Variants in MEGF8 observed in about 807,000 individuals in gnomAD.
The protein encoded by MEGF8 is multiple epidermal growth factor-like domains protein 8.
Under a neutral mutation model 302.9 loss-of-function variants are expected in MEGF8, and 156 were observed. The observed-to-expected ratio is 0.52, with a 90% CI of 0.45 to 0.59. The LOEUF (loss-of-function observed/expected upper bound fraction) is 0.59, where lower values mean the gene tolerates loss of function less well. MEGF8 is among the 20% of genes least tolerant of loss of function. MEGF8 has a pLI of 0.00. For missense variants in MEGF8, 3,345 were observed against 3,964.5 expected (o/e 0.84, Z 4.20); for synonymous variants, 1,621 against 1,660.5 (o/e 0.98, Z 0.58).
At position 42,348,437 on chromosome 19, in the gene MEGF8, G is replaced by T. The variant is rs2039321181; in HGVS notation, c.2263G>T (p.Ala755Ser). 1.3e-6 allele frequency: 2 copies of T among 1,529,792 alleles called. No individual in the cohort carries two copies. Among genetic ancestry groups the T allele is most frequent in the Non-Finnish European group, 1.8e-6 (2 of 1,141,190 alleles). The allele number at this position is 1,529,792 out of a possible 1,614,324, so 94.8% of individuals were successfully genotyped here. A position where few individuals can be genotyped will look rare whatever the true frequency, so the allele number is the denominator to read the frequency against. ...WTRAQRLHVL[A>S]RMARGPDTEN... ...GCGGGCCCAGCGCCTACACGTCCTGGCCCGGATGGCCCGTGGCCCTGACAC... is the reference window on the plus strand; with the variant it reads ...GCGGGCCCAGCGCCTACACGTCCTGTCCCGGATGGCCCGTGGCCCTGACAC... Residue 755 changes from alanine to serine, a missense_variant, in exon 13 of 42, where the codon GCC (alanine) becomes TCC (serine). Coordinates refer to ENST00000251268, the MANE Select transcript of MEGF8 (RefSeq NM_001271938.2).
chr19:42,357,938 G>T lies in MEGF8; in HGVS notation c.5012-206G>T, dbSNP rs1193021538. On this transcript the variant is annotated intron_variant, in intron 28 of 41. Coordinates refer to ENST00000251268, the MANE Select transcript of MEGF8 (RefSeq NM_001271938.2). This position sits in a 1 kb window ranked among gnomAD's most constrained non-coding sequence, Gnocchi z 5.2. ...TCCCGAGAGCCTGGCAGAACTTACTGCCAGTTGAGGACTCCCTTCTCTTTC... is the reference window on the plus strand; with the variant it reads ...TCCCGAGAGCCTGGCAGAACTTACTTCCAGTTGAGGACTCCCTTCTCTTTC... Among the ~76,000 whole-genome samples, 1 of 152,146 alleles carries T rather than the reference G, an allele frequency of 6.6e-6. No homozygotes were observed. Among genetic ancestry groups the T allele is most frequent in the African/African-American group, 2.4e-5 (1 of 41,432 alleles).
rs201814836 is a variant in MEGF8 at position 42,350,351 on chromosome 19, C to T, written c.2703C>T (p.Cys901=). The change falls in exon 15 of 42, where the codon TGC becomes TGT. Residue 901 remains cysteine, a synonymous_variant. Coordinates refer to ENST00000251268, the MANE Select transcript of MEGF8 (RefSeq NM_001271938.2). ...LVLVPTLCPL[C]EEHRDCHACT... ...TGGTGCCTACCCTCTGCCCACTCTG[C>T]GAGGAGCATCGGGACTGCCACGCCT... 1.8e-5 allele frequency: 28 copies of T among 1,594,890 alleles called. No homozygotes were observed. In the African/African-American group the frequency reaches 2.3e-4, roughly 13 times the overall value.
rs577151474 is a variant in MEGF8, at chr19:42,378,037, TG to T, written c.*1266del. ...GTGGCTGAGGGGATCGTTAATTGAATGGGGCAGACTGAGGCTTGTGAGGAAG... is the reference window on the plus strand; with the variant it reads ...GTGGCTGAGGGGATCGTTAATTGAATGGGCAGACTGAGGCTTGTGAGGAAG... On this transcript the variant is annotated 3_prime_UTR_variant, in exon 42 of 42. Transcript: ENST00000251268. The T allele has an allele frequency of 2.6e-5, 4 of 152,312 alleles. No homozygotes were observed. The South Asian group carries it at 6.2e-4, about 24-fold the overall frequency. 9.4% of individuals were successfully genotyped at this position (152,312 alleles called of 1,614,324 possible).
rs761713618 is a variant in MEGF8, at chr19:42,356,302, A to G, written c.4504-33A>G. Reference sequence around the variant, plus strand: ...AGGCCTGGCACTTTGTCCTGACCCTAGCCTGATCCCCAATGTCCGCACCCA... The same window carrying G: ...AGGCCTGGCACTTTGTCCTGACCCTGGCCTGATCCCCAATGTCCGCACCCA... On this transcript the variant is annotated intron_variant, in intron 25 of 41. Coordinates refer to ENST00000251268, the MANE Select transcript of MEGF8 (RefSeq NM_001271938.2). This position sits in a 1 kb window ranked among gnomAD's most constrained non-coding sequence, Gnocchi z 5.2. 5.6e-6 allele frequency: 9 copies of G among 1,595,238 alleles called. No homozygotes were observed. The highest frequency in any genetic ancestry group is 1.7e-5 in the Admixed American group (1 of 57,340).
rs776180750 is a variant in MEGF8, at chr19:42,356,299, C to G, written c.4504-36C>G. On this transcript the variant is annotated intron_variant, in intron 25 of 41. Transcript: ENST00000251268. The surrounding 1 kb of genome is among the most constrained non-coding windows in gnomAD (Gnocchi z 5.2). The stretch of plus-strand genomic sequence containing the variant: ...CCCAGGCCTGGCACTTTGTCCTGAC[C>G]CTAGCCTGATCCCCAATGTCCGCAC... 1.9e-6 allele frequency: 3 copies of G among 1,591,800 alleles called. No individual in the cohort carries two copies. Among genetic ancestry groups the G allele is most frequent in the South Asian group, 1.1e-5 (1 of 87,474 alleles).
At position 42,344,917 on chromosome 19, in the gene MEGF8, C is replaced by G; in HGVS notation, c.2097+84C>G. 1 of 1,339,832 alleles carries G rather than the reference C, an allele frequency of 7.5e-7. No homozygotes were observed. Among genetic ancestry groups the G allele is most frequent in the Non-Finnish European group, 1.0e-6 (1 of 1,002,434 alleles). 83.0% of individuals were successfully genotyped at this position (1,339,832 alleles called of 1,614,324 possible). A position where few individuals can be genotyped will look rare whatever the true frequency, so the allele number is the denominator to read the frequency against. On this transcript the variant is annotated intron_variant, in intron 12 of 41. Transcript: ENST00000251268. The surrounding 1 kb of genome is among the most constrained non-coding windows in gnomAD (Gnocchi z 4.5). ...TTTTCTCAAATGCATCTTTATCACT[C>G]TTATGTTTACTCCAAAACTCTTTAC...
Position 42,362,108 on chromosome 19 carries a change from C to A in MEGF8, c.5739C>A (p.Ser1913=), listed in dbSNP as rs770625540. ...DQAHRLGCGG[S]PCSPMPRSPE... is the part of the protein sequence containing the mutation. ...CCTTTAGGCTGGGCTGCGGGGGCTC[C>A]CCCTGCTCCCCAATGCCTCGCTCCC... Residue 1913 remains serine (S), a synonymous_variant, in exon 33 of 42, where the codon TCC becomes TCA. Transcript: ENST00000251268. 5 of 1,612,344 alleles carry A rather than the reference C, an allele frequency of 3.1e-6. No homozygotes were observed. Among genetic ancestry groups the A allele is most frequent in the Non-Finnish European group, 4.2e-6 (5 of 1,179,522 alleles).
At position 42,358,993 on chromosome 19, in the gene MEGF8, G is replaced by C. The variant is rs759863356; in HGVS notation, c.5343+39G>C. The C allele has an allele frequency of 6.3e-7, 1 of 1,583,498 alleles. No homozygotes were observed. Among genetic ancestry groups the C allele is most frequent in the Admixed American group, 1.8e-5 (1 of 55,276 alleles). On this transcript the variant is annotated intron_variant, in intron 30 of 41. Transcript: ENST00000251268. The surrounding 1 kb of genome is among the most constrained non-coding windows in gnomAD (Gnocchi z 4.4). ...AGGGTTAGGATTGGGTGGGCTGGTA[G>C]GGGGGGATAGGTAGGGAAGTACAGG... is the stretch of plus-strand genomic sequence containing the variant.
chr19:42,354,533 C>T lies in MEGF8; in HGVS notation c.4012-55C>T. 6.4e-7 allele frequency: 1 copy of T among 1,568,074 alleles called. No individual in the cohort carries two copies. The highest frequency in any genetic ancestry group is 2.3e-5 in the East Asian group (1 of 44,058). On this transcript the variant is annotated intron_variant, in intron 22 of 41. Coordinates refer to ENST00000251268, the MANE Select transcript of MEGF8 (RefSeq NM_001271938.2). The surrounding 1 kb of genome is among the most constrained non-coding windows in gnomAD (Gnocchi z 4.3). ...TTGAACCCCTCCTCCTCCCAGACCC[C>T]AGGTGTCGTTCTCATCCTCATTGTC... is the stretch of plus-strand genomic sequence containing the variant.
rs761798044 is a variant in MEGF8, at chr19:42,376,450, CA to C, written c.8214del (p.Ala2740ProfsTer96). 1 of 1,611,040 alleles carries C rather than the reference CA, an allele frequency of 6.2e-7. No individual in the cohort carries two copies. The highest frequency in any genetic ancestry group is 1.1e-5 in the South Asian group (1 of 90,914). On this transcript the variant is annotated frameshift_variant, in exon 42 of 42. Coordinates refer to ENST00000251268, the MANE Select transcript of MEGF8 (RefSeq NM_001271938.2). LOFTEE classifies it high-confidence loss of function. This position sits in a 1 kb window ranked among gnomAD's most constrained non-coding sequence, Gnocchi z 8.2. Reference sequence around the variant, plus strand: ...CCCTTCCTGGCACCCCTGCTGCTGACAGGGGCCGGTGGGCCCTGGGGACCCA... The same window carrying C: ...CCCTTCCTGGCACCCCTGCTGCTGACGGGGCCGGTGGGCCCTGGGGACCCA... ...SEPFLAPLLL[T>X]GAGGPWGPMG... is the part of the protein sequence containing the mutation.
In MEGF8 at chr19:42,376,663, G is replaced by A. The variant is rs11881304; in HGVS notation, c.8426G>A (p.Arg2809Lys). 2,298 of 1,534,696 alleles carry A rather than the reference G, an allele frequency of 1.5e-3. 32 individuals carry two copies. In the African/African-American group the frequency reaches 0.027, roughly 18 times the overall value. Reference protein sequence around the residue: ...LGSALVTLRHRLHEYCGGGGG... With the variant: ...LGSALVTLRHKLHEYCGGGGG... Reference sequence around the variant, plus strand: ...TCAGCCCTCGTCACACTGCGGCACAGGCTGCACGAGTACTGTGGGGGTGGT... The same window carrying A: ...TCAGCCCTCGTCACACTGCGGCACAAGCTGCACGAGTACTGTGGGGGTGGT... The change falls in exon 42 of 42, where the codon AGG becomes AAG. Residue 2809 changes from arginine (R) to lysine (K), a missense_variant. Coordinates refer to ENST00000251268, the MANE Select transcript of MEGF8 (RefSeq NM_001271938.2). This position sits in a 1 kb window ranked among gnomAD's most constrained non-coding sequence, Gnocchi z 8.2.
chr19:42,349,255 G>A (rs1199541896), intron 13 of MEGF8, among the ~76,000 whole-genome samples: 1 of 148,720 alleles, frequency 6.7e-6, no homozygotes, highest in Admixed American at 6.8e-5. Flanking sequence ...AGCCATGATC[G>A]CATCACTGCA....
intron 12 of MEGF8, 120 bp from the exon 13 acceptor site, chr19:42,348,152 C>A: frequency 1.1e-6 from 1 of 929,648 alleles, no homozygotes; most frequent in Non-Finnish European, 1.6e-6. Context: ...TGTCCCTCTG[C>A]CTCAGTCTCT....
chr19:42,346,434 T>G (rs896037467), intron 12 of MEGF8, among the ~76,000 whole-genome samples: 1 of 151,944 alleles, frequency 6.6e-6, no homozygotes, highest in African/African-American at 2.4e-5. Flanking sequence ...CCCAGCACTT[T>G]GGGAGGCTAA....
At chr19:42,340,020 T>G (rs1335738045) in intron 8 of MEGF8, among the ~76,000 whole-genome samples, 1 of 152,036 alleles carries the variant, frequency 6.6e-6, no homozygotes, top group African/African-American at 2.4e-5. Flanking sequence ...TTCGCACCAC[T>G]GCACTCCCAC....
At chr19:42,333,114 A>C (rs1444265317) in intron 1 of MEGF8, among the ~76,000 whole-genome samples, 2 of 152,192 alleles carry the variant, frequency 1.3e-5, no homozygotes, top group Admixed American at 6.5e-5. Flanking sequence ...TTCTGGGGGA[A>C]GAAGCTGGAC....
At position 42,368,798 on chromosome 19, in the gene MEGF8, A is replaced by C; in HGVS notation, c.6482-45A>C. On this transcript the variant is annotated intron_variant, in intron 36 of 41. Coordinates refer to ENST00000251268, the MANE Select transcript of MEGF8 (RefSeq NM_001271938.2). The surrounding 1 kb of genome is among the most constrained non-coding windows in gnomAD (Gnocchi z 4.9). Reference sequence around the variant, plus strand: ...GAGGGAGGGCCTAGGCAACTGGGGCAGGTGGTACAGAGGTCCAGGTAAAAT... The same window carrying C: ...GAGGGAGGGCCTAGGCAACTGGGGCCGGTGGTACAGAGGTCCAGGTAAAAT... The C allele has an allele frequency of 6.3e-7, 1 of 1,593,150 alleles. No homozygotes were observed. The highest frequency in any genetic ancestry group is 8.6e-7 in the Non-Finnish European group (1 of 1,168,490).
intron 13 of MEGF8, among the ~76,000 whole-genome samples, chr19:42,349,143 T>C (rs536838016): frequency 2.6e-5 from 4 of 152,002 alleles, no homozygotes; most frequent in Non-Finnish European, 5.9e-5. Context: ...CTCCAAAAAA[T>C]ACAAAAATTA....
At chr19:42,328,528 C>A (rs1217100538) in intron 1 of MEGF8, among the ~76,000 whole-genome samples, 1 of 145,800 alleles carries the variant, frequency 6.9e-6, no homozygotes, top group East Asian at 2.0e-4. Context: ...AGCTTGGGGG[C>A]CATTCCTGTC....
Sources: gnomAD v4.1 joint callset for allele counts (sites outside exome capture counted in the v4.1 genomes callset) on GRCh38, gnomAD v4.1.1 for gene constraint, Gnocchi (gnomAD v3.1) non-coding constraint, MANE v1.5 for transcripts, NCBI Gene and HGNC (gene_info 2026-07-23, HGNC 2026-07-21) for gene names.